The following CADPS2 variants were observed in gnomAD, a reference collection of about 807,000 sequenced individuals.
The protein encoded by CADPS2 is calcium-dependent secretion activator 2.
In CADPS2, 93 loss-of-function variants were observed where a neutral mutation model predicts 172.5. That is an observed-to-expected ratio of 0.54 (90% confidence interval 0.46 to 0.64). The LOEUF is 0.64. Among genes scored for constraint, CADPS2 ranks in the 30% least tolerant of loss-of-function variants. The pLI is 0.00. For missense variants in CADPS2, 1,420 were observed against 1,565.9 expected (o/e 0.91, Z 1.57); for synonymous variants, 546 against 555.2 (o/e 0.98, Z 0.23).
At chr7:122,635,174 A>T (rs933956957) in intron 3 of CADPS2, among the ~76,000 whole-genome samples, 32 of 152,138 alleles carry the variant, frequency 2.1e-4, no homozygotes, top group Non-Finnish European at 4.4e-5. Context: ...CAATTGGTTA[A>T]GTGTTGAGTT....
intron 1 of CADPS2, among the ~76,000 whole-genome samples, chr7:122,821,661 G>C (rs924554746): frequency 1.3e-5 from 2 of 152,128 alleles, no homozygotes; most frequent in African/African-American, 4.8e-5. Context: ...GATAACAGGT[G>C]AGCCTTTATT....
chr7:122,384,110 C>T (rs935175610), intron 24 of CADPS2, among the ~76,000 whole-genome samples: 5 of 152,194 alleles, frequency 3.3e-5, no homozygotes, highest in Admixed American at 3.3e-4. Flanking sequence ...CCTGAGACTG[C>T]TGACTCATTT....
chr7:122,601,150 C>A (rs1225255796), intron 6 of CADPS2, among the ~76,000 whole-genome samples: 1 of 151,828 alleles, frequency 6.6e-6, no homozygotes, highest in Non-Finnish European at 1.5e-5. Context: ...GATTATTTTT[C>A]ATCTCTACCA....
chr7:122,334,130 G>A (rs118066183), intron 28 of CADPS2, among the ~76,000 whole-genome samples: 2,332 of 152,138 alleles, frequency 0.015, 29 homozygotes, highest in Non-Finnish European at 0.024. Flanking sequence ...TTTTATTTTA[G>A]GTGATGAATG....
intron 6 of CADPS2, among the ~76,000 whole-genome samples, chr7:122,601,590 C>A (rs1481295919): frequency 1.3e-5 from 2 of 151,910 alleles, no homozygotes; most frequent in African/African-American, 4.8e-5. Context: ...ATCTTCTCTT[C>A]CTTAAAAAAA....
At chr7:122,691,755 TC>T (rs1188951933) in intron 2 of CADPS2, among the ~76,000 whole-genome samples, 1 of 152,122 alleles carries the variant, frequency 6.6e-6, no homozygotes, top group Admixed American at 6.5e-5. Flanking sequence ...AGTGGCACCA[TC>T]CCAGTTCTAT....
chr7:122,799,866 C>T (rs752844212), intron 1 of CADPS2, among the ~76,000 whole-genome samples: 2 of 152,114 alleles, frequency 1.3e-5, no homozygotes, highest in Non-Finnish European at 2.9e-5. Context: ...ACACATCTAT[C>T]GGCATTGAGG....
At chr7:122,456,379 G>T (rs1240737816) in intron 14 of CADPS2, among the ~76,000 whole-genome samples, 1 of 151,976 alleles carries the variant, frequency 6.6e-6, no homozygotes, top group Non-Finnish European at 1.5e-5. Context: ...AGAAGAAAGG[G>T]TAGTCTTATG....
intron 3 of CADPS2, among the ~76,000 whole-genome samples, chr7:122,639,053 C>T (rs1320235378): frequency 6.6e-6 from 1 of 152,134 alleles, no homozygotes; most frequent in Non-Finnish European, 1.5e-5. Flanking sequence ...TCTGTGGCCA[C>T]TGGTGTCATT....
At chr7:122,359,971 T>C (rs1470462028) in intron 27 of CADPS2, among the ~76,000 whole-genome samples, 1 of 152,172 alleles carries the variant, frequency 6.6e-6, no homozygotes, top group African/African-American at 2.4e-5. Flanking sequence ...ACTGCTACCA[T>C]TTCTAATGGC....
chr7:122,784,913 T>C (rs1159610338), intron 1 of CADPS2, among the ~76,000 whole-genome samples: 1 of 152,212 alleles, frequency 6.6e-6, no homozygotes, highest in African/African-American at 2.4e-5. Flanking sequence ...CTATTTCCTA[T>C]TTATGTTCCT....
chr7:122,860,099 C>T (rs546179257), intron 1 of CADPS2, among the ~76,000 whole-genome samples: 2 of 151,900 alleles, frequency 1.3e-5, no homozygotes, highest in African/African-American at 2.4e-5. Flanking sequence ...CAAGGAGCTG[C>T]CTCACCCCAA....
chr7:122,470,921 A>C (rs1421650451), intron 14 of CADPS2, among the ~76,000 whole-genome samples: 1 of 152,210 alleles, frequency 6.6e-6, no homozygotes, highest in Non-Finnish European at 1.5e-5. Context: ...AGTGGCTAAG[A>C]AGAGACTCTA....
At position 122,418,124 on chromosome 7, in the gene CADPS2, C is replaced by G. The variant is rs2048142641; in HGVS notation, c.2477-1960G>C. Reference sequence around the variant, plus strand: ...GGCAGAGGTTGCAGTGAGCCAATATCACACCATTGCGCTCCAGCCTGGGTG... The same window carrying G: ...GGCAGAGGTTGCAGTGAGCCAATATGACACCATTGCGCTCCAGCCTGGGTG... On this transcript the variant is annotated intron_variant, in intron 17 of 29. Coordinates refer to ENST00000449022, the MANE Select transcript of CADPS2 (RefSeq NM_017954.11). Among the ~76,000 whole-genome samples the G allele has an allele frequency of 2.6e-5, 4 of 151,056 alleles. 1 individual carries two copies. The South Asian group carries it at 8.3e-4, about 32-fold the overall frequency.
At chr7:122,449,920 C>T (rs1043138522) in intron 15 of CADPS2, among the ~76,000 whole-genome samples, 4 of 152,104 alleles carry the variant, frequency 2.6e-5, no homozygotes, top group African/African-American at 9.7e-5. Context: ...TTCACTTACT[C>T]TAAGGTACTG....
At chr7:122,761,415 T>C (rs1456257035) in intron 1 of CADPS2, among the ~76,000 whole-genome samples, 3 of 152,058 alleles carry the variant, frequency 2.0e-5, no homozygotes, top group Admixed American at 1.3e-4. Flanking sequence ...AGATCACAAA[T>C]TAATAAGCCT....
chr7:122,404,507 C>A (rs2046386166), intron 20 of CADPS2, among the ~76,000 whole-genome samples: 1 of 152,092 alleles, frequency 6.6e-6, no homozygotes, highest in Non-Finnish European at 1.5e-5. Context: ...GGTATATACC[C>A]AGTAATGCGA....
intron 3 of CADPS2, among the ~76,000 whole-genome samples, chr7:122,655,729 G>A (rs2079677466): frequency 6.6e-6 from 1 of 151,892 alleles, no homozygotes; most frequent in Non-Finnish European, 1.5e-5. Context: ...TGTCTTGGTT[G>A]CTTTCTAAAC....
At position 122,698,234 on chromosome 7, in the gene CADPS2, CTGT is replaced by C. The variant is rs778798622; in HGVS notation, c.454-34668_454-34666del. On this transcript the variant is annotated intron_variant, in intron 2 of 29. Coordinates refer to ENST00000449022, the MANE Select transcript of CADPS2 (RefSeq NM_017954.11). ...AGTTGTCCAAATGTGTTCTGAAGAT[CTGT>C]TGTTAATCGCTGCCATCTCCGGTTC... 12 of 1,613,838 alleles carry C rather than the reference CTGT, an allele frequency of 7.4e-6. 1 individual carries two copies. In the Admixed American group the frequency reaches 2.0e-4, roughly 27 times the overall value.
Sources: gnomAD v4.1 joint callset for allele counts (sites outside exome capture counted in the v4.1 genomes callset) on GRCh38, gnomAD v4.1.1 for gene constraint, MANE v1.5 for transcripts, NCBI Gene and HGNC (gene_info 2026-07-23, HGNC 2026-07-21) for gene names.